Variants in BLTP3B observed in about 807,000 individuals in gnomAD.
BLTP3B encodes bridge-like lipid transfer protein family member 3B, also known as UHRF1 (ICBP90) binding protein 1-like.
At chr12:100,039,119 T>C in the BLTP3B span, among the ~76,000 whole-genome samples, 1 of 151,660 alleles carries the variant, frequency 6.6e-6, no homozygotes, top group Non-Finnish European at 1.5e-5. Context: ...GGTTCTATCA[T>C]ACAGATTAAA....
At chr12:100,061,035 G>T in the BLTP3B span, among the ~76,000 whole-genome samples, 1 of 152,106 alleles carries the variant, frequency 6.6e-6, no homozygotes. Flanking sequence ...CAAAAAAATA[G>T]GGCATGGTCC....
At chr12:100,055,855 T>C in the BLTP3B span, among the ~76,000 whole-genome samples, 1 of 152,116 alleles carries the variant, frequency 6.6e-6, no homozygotes, top group Non-Finnish European at 1.5e-5. Context: ...TAGTAGACAA[T>C]AGGCTCTATG....
chr12:100,050,318 T>C, the BLTP3B span: 1 of 1,595,652 alleles, frequency 6.3e-7, no homozygotes, highest in Non-Finnish European at 8.5e-7. Context: ...ACAACGGACA[T>C]CTATTAATGA....
chr12:100,098,679 A>AT, the BLTP3B span: 1 of 822,430 alleles, frequency 1.2e-6, no homozygotes, highest in Non-Finnish European at 1.8e-6. Flanking sequence ...AGGCAGGCAG[A>AT]TCACTTGAGG....
chr12:100,066,008 C>G, the BLTP3B span, among the ~76,000 whole-genome samples: 1 of 152,116 alleles, frequency 6.6e-6, no homozygotes, highest in Non-Finnish European at 1.5e-5. Context: ...AAATTCCTCT[C>G]TTTGTACTCT....
the BLTP3B span, chr12:100,142,734 G>C: frequency 6.6e-7 from 1 of 1,516,394 alleles, no homozygotes. Flanking sequence ...GGCCGGCGGA[G>C]AGGCGCTGAT....
At chr12:100,137,930 T>C in the BLTP3B span, among the ~76,000 whole-genome samples, 4 of 152,178 alleles carry the variant, frequency 2.6e-5, no homozygotes, top group South Asian at 2.1e-4. Context: ...AATTGAACCA[T>C]GGGTAGACAA....
At chr12:100,089,339 A>G in the BLTP3B span, among the ~76,000 whole-genome samples, 3 of 152,246 alleles carry the variant, frequency 2.0e-5, no homozygotes, top group East Asian at 5.8e-4. Context: ...CAGGCGAATC[A>G]TCTGAGGTCA....
the BLTP3B span, among the ~76,000 whole-genome samples, chr12:100,086,681 G>T: frequency 6.6e-6 from 1 of 152,042 alleles, no homozygotes; most frequent in African/African-American, 2.4e-5. Context: ...AATACTTTAG[G>T]TAAACTTACT....
the BLTP3B span, among the ~76,000 whole-genome samples, chr12:100,132,767 G>C: frequency 2.6e-5 from 4 of 151,464 alleles, no homozygotes; most frequent in Non-Finnish European, 5.9e-5. Flanking sequence ...AGCCAACACG[G>C]TGAAACCCCA....
chr12:100,095,787 G>A, the BLTP3B span: 2 of 1,612,936 alleles, frequency 1.2e-6, no homozygotes, highest in African/African-American at 2.7e-5. Flanking sequence ...CCCATAATAA[G>A]TCATCCAATA....
chr12:100,081,496 A>G, the BLTP3B span, among the ~76,000 whole-genome samples: 1 of 152,122 alleles, frequency 6.6e-6, no homozygotes, highest in Non-Finnish European at 1.5e-5. Flanking sequence ...GGTTTGGTGT[A>G]TAAATAATTT....
chr12:100,078,104 A>G, the BLTP3B span, among the ~76,000 whole-genome samples: 2 of 152,080 alleles, frequency 1.3e-5, no homozygotes, highest in African/African-American at 4.8e-5. Context: ...TTCAATTGTA[A>G]TCCCCAGTAT....
the BLTP3B span, among the ~76,000 whole-genome samples, chr12:100,134,989 T>A: frequency 6.6e-6 from 1 of 152,194 alleles, no homozygotes; most frequent in Admixed American, 6.5e-5. Flanking sequence ...CCCTTGTGCT[T>A]CTATTATTTA....
the BLTP3B span, among the ~76,000 whole-genome samples, chr12:100,113,030 G>C: frequency 3.3e-5 from 5 of 151,910 alleles, no homozygotes; most frequent in African/African-American, 9.7e-5. Context: ...ACTTAGCCAG[G>C]CATGGTAGCA....
At chr12:100,048,849 A>C in the BLTP3B span, among the ~76,000 whole-genome samples, 13 of 150,654 alleles carry the variant, frequency 8.6e-5, no homozygotes, top group Non-Finnish European at 1.8e-4. Flanking sequence ...CTGTCCCCCC[A>C]AAAAATTTAT....
the BLTP3B span, among the ~76,000 whole-genome samples, chr12:100,087,059 T>C: frequency 6.9e-6 from 1 of 144,866 alleles, no homozygotes; most frequent in Non-Finnish European, 1.5e-5. Flanking sequence ...CTTGGGAGGC[T>C]GAGGCAGGAG....
chr12:100,097,888 A>C, the BLTP3B span, among the ~76,000 whole-genome samples: 8 of 152,334 alleles, frequency 5.3e-5, no homozygotes, highest in African/African-American at 1.9e-4. Context: ...TAAAGACATT[A>C]AAATGTGCAC....
At chr12:100,050,346 G>C in the BLTP3B span, 476 of 1,577,762 alleles carry the variant, frequency 3.0e-4, 2 homozygotes, top group African/African-American at 5.4e-3. Flanking sequence ...AATAATATTA[G>C]TATGCCAAGC....
Sources: allele counts gnomAD v4.1 joint callset (sites outside exome capture counted in the v4.1 genomes callset), GRCh38; gene constraint gnomAD v4.1.1; transcripts MANE v1.5; gene names NCBI Gene and HGNC (gene_info 2026-07-23, HGNC 2026-07-21).